The following SCGB2B2 variants were observed in gnomAD, a reference collection of about 807,000 sequenced individuals.
The protein encoded by SCGB2B2 is secretoglobin family 2B member 2.
Under a neutral mutation model 7.6 loss-of-function variants are expected in SCGB2B2, and 11 were observed. That is an observed-to-expected ratio of 1.45 (90% CI 0.91 to 2.40). The LOEUF (loss-of-function observed/expected upper bound fraction) is 2.40, where lower values mean the gene tolerates loss of function less well. SCGB2B2 is among the 30% of genes most tolerant of loss of function. The probability of loss-of-function intolerance (pLI) is 0.00; values close to 1 mark genes in which losing one functional copy is unlikely to be tolerated. For synonymous variants in SCGB2B2, 50 were observed against 48.6 expected, an observed-to-expected ratio of 1.03 and a Z score of -0.12; for missense variants, 104 against 115.4, an observed-to-expected ratio of 0.90 and a Z score of 0.45.
intron 1 of SCGB2B2, among the ~76,000 whole-genome samples, chr19:34,617,964 T>G (rs1254048457): frequency 6.6e-6 from 1 of 152,248 alleles, no homozygotes; most frequent in Non-Finnish European, 1.5e-5. Context: ...GCTTCCCGAG[T>G]GAGGCAATGC....
At position 34,593,079 on chromosome 19, in the gene SCGB2B2, T is replaced by C. The variant is rs2145729625; in HGVS notation, c.*476A>G. 6.6e-6 allele frequency among the ~76,000 whole-genome samples: 1 copy of C among 152,218 alleles called. No individual in the cohort carries two copies. The highest frequency in any genetic ancestry group is 1.9e-4 in the East Asian group (1 of 5,180). ...GGCTCATGCCTCTAACCCTAGCACG[T>C]TGGAGGTTGAGGTAGGTGGATCATT... On this transcript the variant is annotated 3_prime_UTR_variant, in exon 4 of 4. Transcript: ENST00000601241.
chr19:34,594,601 A>G lies in SCGB2B2; in HGVS notation c.-38T>C. 1 of 1,575,234 alleles carries G rather than the reference A, an allele frequency of 6.3e-7. No homozygotes were observed. The highest frequency in any genetic ancestry group is 8.7e-7 in the Non-Finnish European group (1 of 1,147,818). On this transcript the variant is annotated 5_prime_UTR_variant, in exon 2 of 4. Coordinates refer to ENST00000601241, the MANE Select transcript of SCGB2B2 (RefSeq NM_001025591.4). Reference sequence around the variant, plus strand: ...TGGTCCCAGCAGGCACAGGCAGGGAATTTGGCGATGGGTGAGCTTTATGTA... The same window carrying G: ...TGGTCCCAGCAGGCACAGGCAGGGAGTTTGGCGATGGGTGAGCTTTATGTA...
At position 34,609,604 on chromosome 19, in the gene SCGB2B2, C is replaced by T. The variant is rs551426403; in HGVS notation, c.-2031-13010G>A. 6.6e-5 allele frequency among the ~76,000 whole-genome samples: 10 copies of T among 152,102 alleles called. No individual in the cohort carries two copies. The East Asian group carries it at 1.9e-3, about 29-fold the overall frequency. Reference sequence around the variant, plus strand: ...CAATCCTCAGTAAATGTTCTTGGCACCTTTGTTGAAATTATGTTGATGGTA... The same window carrying T: ...CAATCCTCAGTAAATGTTCTTGGCATCTTTGTTGAAATTATGTTGATGGTA... On this transcript the variant is annotated intron_variant, in intron 1 of 3. Transcript: ENST00000601241.
At chr19:34,666,506 C>T (rs2067626388) in intron 1 of SCGB2B2, among the ~76,000 whole-genome samples, 1 of 152,120 alleles carries the variant, frequency 6.6e-6, no homozygotes, top group African/African-American at 2.4e-5. Context: ...AGATCCTGCA[C>T]CACCGGACAG....
intron 1 of SCGB2B2, among the ~76,000 whole-genome samples, chr19:34,609,797 T>C (rs976781158): frequency 6.6e-6 from 1 of 152,082 alleles, no homozygotes; most frequent in African/African-American, 2.4e-5. Flanking sequence ...GTTGCTTTGG[T>C]TATTTGGAGT....
Position 34,594,184 on chromosome 19 carries a change from T to G in SCGB2B2, c.237A>C (p.Ser79=). ...CCCCGGGCACACTCACAATAACAAC[T>G]GAATGAGCAAATCTTTCTGTCACGG... is the stretch of plus-strand genomic sequence containing the variant. The part of the protein sequence containing the change: ...NVSVTERFAH[S]VVIKKILQSN... The change falls in exon 3 of 4, where the codon TCA becomes TCC. Residue 79 remains serine, a synonymous_variant. Transcript: ENST00000601241. The G allele has an allele frequency of 6.2e-7, 1 of 1,613,982 alleles. No individual in the cohort carries two copies. The highest frequency in any genetic ancestry group is 8.5e-7 in the Non-Finnish European group (1 of 1,179,886).
At chr19:34,662,235 C>T (rs1379556273) in intron 1 of SCGB2B2, among the ~76,000 whole-genome samples, 3 of 151,920 alleles carry the variant, frequency 2.0e-5, no homozygotes, top group Admixed American at 6.6e-5. Context: ...CAGTGTGGCC[C>T]GTGGAAGCCA....
At chr19:34,586,885 G>A (rs2065198722), downstream of SCGB2B2, among the ~76,000 whole-genome samples, 1 of 152,082 alleles carries the variant, frequency 6.6e-6, no homozygotes, top group South Asian at 2.1e-4. Flanking sequence ...ATGAAGTCAC[G>A]CAATATGTAG....
intron 1 of SCGB2B2, among the ~76,000 whole-genome samples, chr19:34,601,026 T>C (rs73038288): frequency 0.058 from 8,826 of 152,262 alleles, 343 homozygotes; most frequent in African/African-American, 0.11. Context: ...ATTATTTTGC[T>C]TTGTCCATTG....
intron 1 of SCGB2B2, among the ~76,000 whole-genome samples, chr19:34,602,310 T>C (rs1327384234): frequency 1.3e-5 from 2 of 152,224 alleles, no homozygotes; most frequent in Non-Finnish European, 2.9e-5. Flanking sequence ...ATTGGTATCA[T>C]TATTCTTTTT....
At chr19:34,614,564 C>G (rs1022750950) in intron 1 of SCGB2B2, among the ~76,000 whole-genome samples, 2 of 151,964 alleles carry the variant, frequency 1.3e-5, no homozygotes, top group African/African-American at 4.8e-5. Flanking sequence ...GTCGAGTTTC[C>G]TTAAGATTAG....
intron 1 of SCGB2B2, among the ~76,000 whole-genome samples, chr19:34,643,460 G>A (rs565471251): frequency 4.3e-4 from 65 of 152,258 alleles, no homozygotes; most frequent in African/African-American, 1.5e-3. Flanking sequence ...GTTAACGCAT[G>A]AAAGCCTACA....
intron 3 of SCGB2B2, 52 bp from the exon 4 acceptor site, chr19:34,593,651 C>A: frequency 6.9e-7 from 1 of 1,453,798 alleles, no homozygotes; most frequent in South Asian, 1.2e-5. Context: ...GAAAGGCTCC[C>A]CAGACTCATC....
intron 1 of SCGB2B2, among the ~76,000 whole-genome samples, chr19:34,611,533 T>G (rs979407037): frequency 6.6e-6 from 1 of 152,206 alleles, no homozygotes; most frequent in Non-Finnish European, 1.5e-5. Flanking sequence ...CTCTTTCTAC[T>G]TTTTAAATGT....
Position 34,593,502 on chromosome 19 carries a change from G to A in SCGB2B2, c.*53C>T. On this transcript the variant is annotated 3_prime_UTR_variant, in exon 4 of 4. Transcript: ENST00000601241. ...GAACAGAGCCAGGCCAGGAACGCGGGGAGCCCCAAGGAAGGCAGGAGGGCC... is the reference window on the plus strand; with the variant it reads ...GAACAGAGCCAGGCCAGGAACGCGGAGAGCCCCAAGGAAGGCAGGAGGGCC... 7.1e-7 allele frequency: 1 copy of A among 1,401,956 alleles called. No individual in the cohort carries two copies. The highest frequency in any genetic ancestry group is 9.9e-7 in the Non-Finnish European group (1 of 1,013,324). 86.8% of individuals were successfully genotyped at this position (1,401,956 alleles called of 1,614,324 possible).
At chr19:34,587,873 T>A (rs888599400), downstream of SCGB2B2, among the ~76,000 whole-genome samples, 183 of 152,352 alleles carry the variant, frequency 1.2e-3, no homozygotes, top group African/African-American at 4.2e-3. Context: ...ATCCCTGGGT[T>A]GAATTCCACT....
intron 1 of SCGB2B2, among the ~76,000 whole-genome samples, chr19:34,639,944 T>C (rs2066794773): frequency 1.3e-5 from 2 of 152,054 alleles, no homozygotes; most frequent in Non-Finnish European, 2.9e-5. Flanking sequence ...GAGGGCTTGC[T>C]CTTGGTGGTA....
rs1167296520 is a variant in SCGB2B2, at chr19:34,676,788, C to T, written c.-3190G>A. 1 of 152,168 alleles carries T rather than the reference C, an allele frequency of 6.6e-6. No homozygotes were observed. The highest frequency in any genetic ancestry group is 1.9e-4 in the East Asian group (1 of 5,194). 9.4% of individuals were successfully genotyped at this position (152,168 alleles called of 1,614,324 possible). ...TTTAAAAATGATTGAAGTCAATTAACATTTAAGTGTTAAAAAGAAAGTAAA... is the reference window on the plus strand; with the variant it reads ...TTTAAAAATGATTGAAGTCAATTAATATTTAAGTGTTAAAAAGAAAGTAAA... On this transcript the variant is annotated 5_prime_UTR_variant, in exon 1 of 4. The change abolishes an upstream ATG in the 5' untranslated region. Coordinates refer to ENST00000601241, the MANE Select transcript of SCGB2B2 (RefSeq NM_001025591.4).
chr19:34,655,475 C>A (rs1458458220), intron 1 of SCGB2B2, among the ~76,000 whole-genome samples: 1 of 150,948 alleles, frequency 6.6e-6, no homozygotes, highest in Non-Finnish European at 1.5e-5. Flanking sequence ...ACCTGGATGC[C>A]CCCCCAACCC....
Sources: gnomAD v4.1 joint callset for allele counts (sites outside exome capture counted in the v4.1 genomes callset) on GRCh38, gnomAD v4.1.1 for gene constraint, MANE v1.5 for transcripts, NCBI Gene and HGNC (gene_info 2026-07-23, HGNC 2026-07-21) for gene names.